Variants in RBM20 observed in about 807,000 individuals in gnomAD.
RBM20 encodes RNA binding motif protein 20, also known as RNA-binding protein 20.
In RBM20, 51 loss-of-function variants were observed where a neutral mutation model predicts 110.1. That is an observed-to-expected ratio of 0.46 (90% confidence interval 0.37 to 0.59). The LOEUF (loss-of-function observed/expected upper bound fraction) is 0.59. Among genes scored for constraint, RBM20 ranks in the 20% least tolerant of loss-of-function variants. RBM20 has a pLI of 0.00. For synonymous variants in RBM20, 589 were observed against 618.2 expected (o/e 0.95, Z 0.70); for missense variants, 1,512 against 1,574.9 (o/e 0.96, Z 0.68).
chr10:110,739,992 C>T lies in RBM20; in HGVS notation c.192-40809C>T, dbSNP rs1468793789. Among the ~76,000 whole-genome samples, 1 of 152,250 alleles carries T rather than the reference C, an allele frequency of 6.6e-6. No homozygotes were observed. The highest frequency in any genetic ancestry group is 2.4e-5 in the African/African-American group (1 of 41,454). ...CCTTCTCCAAGTGCCCAGACCTGCTCCAGCTGCCCCTGATACTCAGCAATG... is the reference window on the plus strand; with the variant it reads ...CCTTCTCCAAGTGCCCAGACCTGCTTCAGCTGCCCCTGATACTCAGCAATG... On this transcript the variant is annotated intron_variant, in intron 1 of 13. Coordinates refer to ENST00000369519, the MANE Select transcript of RBM20 (RefSeq NM_001134363.3). This position sits in a 1 kb window ranked among gnomAD's most constrained non-coding sequence, Gnocchi z 4.1.
chr10:110,713,123 G>A (rs978376073), intron 1 of RBM20, among the ~76,000 whole-genome samples: 2 of 152,204 alleles, frequency 1.3e-5, no homozygotes, highest in African/African-American at 4.8e-5. Flanking sequence ...GAGAATCACA[G>A]AAGATAAGTC....
intron 1 of RBM20, among the ~76,000 whole-genome samples, chr10:110,715,957 T>A (rs1335861138): frequency 6.6e-6 from 1 of 152,210 alleles, no homozygotes; most frequent in Non-Finnish European, 1.5e-5. Context: ...AAGAACTAGA[T>A]GAGCATGAGC....
chr10:110,816,417 G>A (rs1250658885), intron 9 of RBM20, among the ~76,000 whole-genome samples: 3 of 108,992 alleles, frequency 2.8e-5, no homozygotes, highest in Admixed American at 9.8e-5. Flanking sequence ...CTCCCTCCCC[G>A]CCACTGCAGA....
chr10:110,826,490 CA>C (rs1275283556), intron 12 of RBM20, among the ~76,000 whole-genome samples: 10 of 151,930 alleles, frequency 6.6e-5, no homozygotes, highest in African/African-American at 2.4e-4. Flanking sequence ...TAAAGGGAAT[CA>C]TATTGTATGT....
intron 1 of RBM20, among the ~76,000 whole-genome samples, chr10:110,737,193 A>AAACAAAAAC (rs1554894303): frequency 9.4e-5 from 11 of 116,448 alleles, no homozygotes; most frequent in Non-Finnish European, 1.9e-4. Context: ...AAAAAAAAAA[A>AAACAAAAAC]AAAACACCCC....
At chr10:110,803,115 T>C (rs931531963) in intron 7 of RBM20, among the ~76,000 whole-genome samples, 1 of 152,224 alleles carries the variant, frequency 6.6e-6, no homozygotes, top group Non-Finnish European at 1.5e-5. Context: ...CCCGGTACTC[T>C]GGGGCAAAGA....
At chr10:110,664,061 A>G (rs969638546) in intron 1 of RBM20, among the ~76,000 whole-genome samples, 1 of 152,192 alleles carries the variant, frequency 6.6e-6, no homozygotes, top group African/African-American at 2.4e-5. Context: ...CTCCTGATGT[A>G]TTTTCTTTTA....
At chr10:110,819,723 C>T (rs1480199500) in intron 9 of RBM20, among the ~76,000 whole-genome samples, 7 of 152,162 alleles carry the variant, frequency 4.6e-5, no homozygotes, top group Non-Finnish European at 7.3e-5. Flanking sequence ...GGGGTCTTGG[C>T]CGGCCCAAGT....
chr10:110,835,916 G>C lies in RBM20; in HGVS notation c.3622G>C (p.Ala1208Pro), dbSNP rs1307290007. 6.5e-7 allele frequency: 1 copy of C among 1,532,638 alleles called. No homozygotes were observed. The highest frequency in any genetic ancestry group is 2.0e-5 in the Admixed American group (1 of 50,822). The allele number at this position is 1,532,638 out of a possible 1,614,324, so 94.9% of individuals were successfully genotyped here. The change falls in exon 14 of 14, where the codon GCA becomes CCA. Residue 1208 changes from alanine to proline, a missense_variant. Ala to Pro is a conservative substitution (Grantham distance 27). Transcript: ENST00000369519. ...AEEGLKETEGADSPRPEDSGI... is the reference protein window; with the variant it reads ...AEEGLKETEGPDSPRPEDSGI... ...GGAGGGCCTCAAGGAGACCGAGGGG[G>C]CAGATAGCCCGAGGCCAGAGGACAG...
In RBM20 at chr10:110,739,405, C is replaced by T. The variant is rs1422797243; in HGVS notation, c.192-41396C>T. Among the ~76,000 whole-genome samples the T allele has an allele frequency of 1.3e-5, 2 of 152,162 alleles. No homozygotes were observed. Among genetic ancestry groups the T allele is most frequent in the Admixed American group, 6.5e-5 (1 of 15,276 alleles). ...GCAGTGAACAAAAACAGACAAAATT[C>T]CCCAACCTCTTAATGTTTATATTCA... is the stretch of plus-strand genomic sequence containing the variant. On this transcript the variant is annotated intron_variant, in intron 1 of 13. Coordinates refer to ENST00000369519, the MANE Select transcript of RBM20 (RefSeq NM_001134363.3). The surrounding 1 kb of genome is among the most constrained non-coding windows in gnomAD (Gnocchi z 4.1).
At chr10:110,784,191 G>A in intron 3 of RBM20, 150 bp from the exon 4 acceptor site, 1 of 603,760 alleles carries the variant, frequency 1.7e-6, no homozygotes, top group Non-Finnish European at 3.0e-6. Flanking sequence ...TTGTGAATAG[G>A]GCTGCTAGGA....
intron 1 of RBM20, among the ~76,000 whole-genome samples, chr10:110,650,867 T>A (rs1484578478): frequency 1.3e-5 from 2 of 152,232 alleles, no homozygotes; most frequent in Non-Finnish European, 2.9e-5. Flanking sequence ...AAAGATGCAT[T>A]GGTTTCACTA....
chr10:110,804,356 A>G (rs1011926519), intron 7 of RBM20, among the ~76,000 whole-genome samples: 2 of 152,092 alleles, frequency 1.3e-5, no homozygotes, highest in African/African-American at 2.4e-5. Flanking sequence ...GAGGGCAAAC[A>G]CTGTATCCAT....
chr10:110,796,591 A>T (rs1844553560), intron 5 of RBM20, among the ~76,000 whole-genome samples: 1 of 152,196 alleles, frequency 6.6e-6, no homozygotes, highest in Non-Finnish European at 1.5e-5. Context: ...AAAAAATAAA[A>T]ATTAAAAAAT....
chr10:110,656,534 T>C (rs1484672815), intron 1 of RBM20, among the ~76,000 whole-genome samples: 1 of 152,100 alleles, frequency 6.6e-6, no homozygotes, highest in Admixed American at 6.5e-5. Context: ...ATCAAGTACG[T>C]TCACAGTGTT....
chr10:110,800,087 A>G (rs903972361), intron 7 of RBM20, among the ~76,000 whole-genome samples, 169 bp downstream of exon 7: 1 of 152,208 alleles, frequency 6.6e-6, no homozygotes, highest in African/African-American at 2.4e-5. Context: ...ATGGCAAGAA[A>G]AGTGCTCTTG....
At chr10:110,664,917 C>G (rs951823033) in intron 1 of RBM20, among the ~76,000 whole-genome samples, 1 of 151,950 alleles carries the variant, frequency 6.6e-6, no homozygotes, top group Admixed American at 6.6e-5. Context: ...GCTCTGTTAC[C>G]CAGGCTGGAG....
intron 1 of RBM20, among the ~76,000 whole-genome samples, chr10:110,733,739 G>A (rs2134956128): frequency 6.6e-6 from 1 of 152,342 alleles, no homozygotes; most frequent in East Asian, 1.9e-4. Flanking sequence ...TGATGCCTGT[G>A]ACTTTGCAGA....
At chr10:110,788,261 G>A (rs1396817960) in intron 5 of RBM20, among the ~76,000 whole-genome samples, 2 of 152,190 alleles carry the variant, frequency 1.3e-5, no homozygotes, top group African/African-American at 2.4e-5. Context: ...CTGAGGCTGC[G>A]TTGCAGGTGA....
Sources: allele counts gnomAD v4.1 joint callset (sites outside exome capture counted in the v4.1 genomes callset), GRCh38; gene constraint gnomAD v4.1.1; non-coding constraint Gnocchi (gnomAD v3.1); transcripts MANE v1.5; gene names NCBI Gene and HGNC (gene_info 2026-07-23, HGNC 2026-07-21).